The following KDM4C variants were observed in gnomAD, a reference collection of about 807,000 sequenced individuals.
The protein encoded by KDM4C is lysine demethylase 4C.
In KDM4C, 81 loss-of-function variants were observed where a neutral mutation model predicts 129.3. The observed-to-expected ratio is 0.63, with a 90% CI of 0.52 to 0.75. The LOEUF is 0.75. KDM4C is among the 30% of genes least tolerant of loss of function. KDM4C has a pLI of 0.00. For missense variants in KDM4C, 1,457 were observed against 1,304.0 expected, an observed-to-expected ratio of 1.12 and a Z score of -1.81; for synonymous variants, 573 against 456.1, an observed-to-expected ratio of 1.26 and a Z score of -3.26.
intron 17 of KDM4C, among the ~76,000 whole-genome samples, chr9:7,050,100 G>T (rs1315311789): frequency 2.6e-5 from 4 of 151,974 alleles, no homozygotes; most frequent in Non-Finnish European, 5.9e-5. Flanking sequence ...CGTCTCTGGG[G>T]CTCTCTTATA....
At chr9:6,757,882 C>T, upstream of KDM4C, 1 of 985,556 alleles carries the variant, frequency 1.0e-6, no homozygotes, top group Non-Finnish European at 1.2e-6. Context: ...CAAGAGCGTG[C>T]CGGGCACCTT....
At chr9:6,809,220 T>A (rs145036612) in intron 3 of KDM4C, among the ~76,000 whole-genome samples, 1 of 152,222 alleles carries the variant, frequency 6.6e-6, no homozygotes, top group East Asian at 1.9e-4. Context: ...TAATAGAGTT[T>A]TATTCTTTCA....
intron 19 of KDM4C, among the ~76,000 whole-genome samples, chr9:7,161,347 A>T (rs1007863799): frequency 1.3e-5 from 2 of 152,060 alleles, no homozygotes; most frequent in African/African-American, 4.8e-5. Context: ...CCACTGTCCA[A>T]CCAGTCCCAA....
chr9:7,071,712 C>T (rs1833219101), intron 17 of KDM4C, among the ~76,000 whole-genome samples: 1 of 152,066 alleles, frequency 6.6e-6, no homozygotes, highest in Non-Finnish European at 1.5e-5. Flanking sequence ...CACAAAAGCC[C>T]TATGAGATTT....
intron 1 of KDM4C, among the ~76,000 whole-genome samples, chr9:6,750,302 G>A (rs1200701269): frequency 1.3e-5 from 2 of 151,916 alleles, no homozygotes; most frequent in African/African-American, 2.4e-5. Context: ...ATCTGGGCAT[G>A]GTGGCACGCA....
intron 1 of KDM4C, among the ~76,000 whole-genome samples, chr9:6,788,825 G>C (rs1043603776): frequency 6.6e-5 from 10 of 152,186 alleles, no homozygotes; most frequent in Non-Finnish European, 1.5e-4. Context: ...AGGCAGGCCT[G>C]TTCCAGAGGA....
chr9:6,837,566 G>A (rs1022012931), intron 4 of KDM4C, among the ~76,000 whole-genome samples: 2 of 152,118 alleles, frequency 1.3e-5, no homozygotes, highest in African/African-American at 4.8e-5. Flanking sequence ...TGTAAAATAT[G>A]TTATGTGAAT....
chr9:7,095,366 G>A (rs146333383), intron 17 of KDM4C, among the ~76,000 whole-genome samples: 205 of 152,316 alleles, frequency 1.3e-3, no homozygotes, highest in African/African-American at 4.8e-3. Context: ...AGGATAATTA[G>A]TTCTTATTTT....
intron 17 of KDM4C, among the ~76,000 whole-genome samples, chr9:7,065,545 A>C (rs145560377): frequency 0.01 from 1,534 of 152,300 alleles, 21 homozygotes; most frequent in African/African-American, 0.035. Context: ...TATTTCCGCA[A>C]AAAGAATCAT....
chr9:6,933,493 A>T (rs1336470109), intron 8 of KDM4C, among the ~76,000 whole-genome samples: 1 of 152,218 alleles, frequency 6.6e-6, no homozygotes, highest in Non-Finnish European at 1.5e-5. Context: ...AGTGATTCTG[A>T]TGATGAACAG....
intron 12 of KDM4C, among the ~76,000 whole-genome samples, chr9:7,006,426 A>G (rs114759240): frequency 0.015 from 2,295 of 152,266 alleles, 60 homozygotes; most frequent in African/African-American, 0.053. Flanking sequence ...CAATGACAAG[A>G]CAGAAATCTA....
intron 1 of KDM4C, among the ~76,000 whole-genome samples, chr9:6,780,202 T>G (rs1021558812): frequency 1.3e-5 from 2 of 152,100 alleles, no homozygotes; most frequent in African/African-American, 4.8e-5. Context: ...ATGCCAGCTG[T>G]GTAAGTATGA....
In KDM4C at chr9:7,037,283, G is replaced by C. The variant is rs891810758; in HGVS notation, c.2260-9579G>C. ...ATGACACTGAAAATTGGCTTTAGTG[G>C]CACTTATGGATATGCTACTAAAATG... On this transcript the variant is annotated intron_variant, in intron 15 of 21. Transcript: ENST00000381309. Among the ~76,000 whole-genome samples, 6 of 152,144 alleles carry C rather than the reference G, an allele frequency of 3.9e-5. No individual in the cohort carries two copies. In the East Asian group the frequency reaches 9.6e-4, roughly 24 times the overall value.
intron 8 of KDM4C, among the ~76,000 whole-genome samples, chr9:6,905,363 C>G (rs1169782711): frequency 2.0e-5 from 3 of 152,134 alleles, no homozygotes; most frequent in African/African-American, 7.2e-5. Flanking sequence ...CTCAAACTGA[C>G]TCTACCAAGT....
rs530927369 is a variant in KDM4C at position 6,762,878 on chromosome 9, C to G, written c.-18+4675C>G. The stretch of plus-strand genomic sequence containing the variant: ...TTCACCATGTTGGCCAGGCTGGGCT[C>G]GAATTCTTGACCTCAGGTGATCCAC... On this transcript the variant is annotated intron_variant, in intron 1 of 21. Transcript: ENST00000381309. Among the ~76,000 whole-genome samples, 5 of 151,794 alleles carry G rather than the reference C, an allele frequency of 3.3e-5. No individual in the cohort carries two copies. In the East Asian group the frequency reaches 5.8e-4, roughly 18 times the overall value.
chr9:6,963,522 G>A (rs1391207849), intron 8 of KDM4C, among the ~76,000 whole-genome samples: 2 of 152,162 alleles, frequency 1.3e-5, no homozygotes, highest in Admixed American at 6.5e-5. Flanking sequence ...TAGTCTATGG[G>A]CATTTAAGGT....
intron 17 of KDM4C, among the ~76,000 whole-genome samples, chr9:7,060,642 C>T (rs1181660753): frequency 1.3e-5 from 2 of 151,836 alleles, no homozygotes; most frequent in East Asian, 3.9e-4. Flanking sequence ...CCACCATGCC[C>T]AGCTAATTTT....
chr9:7,099,767 C>G (rs1015682623), intron 17 of KDM4C, among the ~76,000 whole-genome samples: 4 of 152,240 alleles, frequency 2.6e-5, no homozygotes, highest in African/African-American at 7.2e-5. Context: ...CTTGCCAGAA[C>G]TGTCCTGTCA....
Position 6,887,203 on chromosome 9 carries a change from G to A in KDM4C, c.680-757G>A, listed in dbSNP as rs371849808. 3.3e-5 allele frequency among the ~76,000 whole-genome samples: 5 copies of A among 152,152 alleles called. No homozygotes were observed. In the East Asian group the frequency reaches 9.6e-4, roughly 29 times the overall value. ...AGGTGTGGAGCAGTACATCAGACAT[G>A]TTCATTTTCTTCCAGCTTGCATCAC... On this transcript the variant is annotated intron_variant, in intron 6 of 21. Coordinates refer to ENST00000381309, the MANE Select transcript of KDM4C (RefSeq NM_015061.6).
Sources: gnomAD v4.1 joint callset for allele counts (sites outside exome capture counted in the v4.1 genomes callset) on GRCh38, gnomAD v4.1.1 for gene constraint, MANE v1.5 for transcripts, NCBI Gene and HGNC (gene_info 2026-07-23, HGNC 2026-07-21) for gene names.